Variants in STXBP5L observed in about 807,000 individuals in gnomAD.
STXBP5L encodes syntaxin-binding protein 5-like.
A neutral mutation model predicts 144.5 loss-of-function variants in STXBP5L; 65 were observed. That is an observed-to-expected ratio of 0.45 (90% CI 0.37 to 0.55). The LOEUF (loss-of-function observed/expected upper bound fraction) is 0.55, where lower values mean the gene tolerates loss of function less well. Ranked by LOEUF, STXBP5L falls within the 20% of genes least tolerant of loss-of-function variation. The pLI is 0.00. For synonymous variants in STXBP5L, 505 were observed against 469.6 expected, an observed-to-expected ratio of 1.08 and a Z score of -0.97; for missense variants, 1,298 against 1,405.5, an observed-to-expected ratio of 0.92 and a Z score of 1.22.
intron 6 of STXBP5L, among the ~76,000 whole-genome samples, chr3:121,118,795 C>T (rs2044337214): frequency 6.6e-6 from 1 of 151,348 alleles, no homozygotes; most frequent in South Asian, 2.1e-4. Flanking sequence ...AGATGACTTC[C>T]CAGTGTTTGC....
intron 19 of STXBP5L, among the ~76,000 whole-genome samples, chr3:121,297,202 ATGTG>A (rs71133526): frequency 0.043 from 6,374 of 148,284 alleles, 334 homozygotes; most frequent in Admixed American, 0.17. Context: ...TCTACATTAT[ATGTG>A]TGTGTGTGTG....
intron 5 of STXBP5L, among the ~76,000 whole-genome samples, chr3:121,080,389 T>C (rs923805088): frequency 2.6e-5 from 4 of 152,182 alleles, no homozygotes; most frequent in Admixed American, 1.3e-4. Context: ...TACTTTGTTT[T>C]TTTTTAAATT....
chr3:121,036,530 A>G lies in STXBP5L; in HGVS notation c.288-5170A>G, dbSNP rs1358714550. Among the ~76,000 whole-genome samples, 2 of 152,132 alleles carry G rather than the reference A, an allele frequency of 1.3e-5. 1 individual carries two copies. The highest frequency in any genetic ancestry group is 4.1e-4 in the South Asian group (2 of 4,834). ...AGTATCTAGCATGATAGTAAATAGAAATAATGATAGATGATTCTTGCTTTA... is the reference window on the plus strand; with the variant it reads ...AGTATCTAGCATGATAGTAAATAGAGATAATGATAGATGATTCTTGCTTTA... On this transcript the variant is annotated intron_variant, in intron 3 of 26. Transcript: ENST00000471454.
intron 2 of STXBP5L, among the ~76,000 whole-genome samples, chr3:120,915,569 T>G (rs553486633): frequency 6.6e-6 from 1 of 152,248 alleles, no homozygotes; most frequent in East Asian, 1.9e-4. Context: ...TGCTTTTGTT[T>G]ATAGTGACAG....
intron 5 of STXBP5L, among the ~76,000 whole-genome samples, chr3:121,048,442 C>G (rs774821372): frequency 6.6e-6 from 1 of 152,080 alleles, no homozygotes; most frequent in Non-Finnish European, 1.5e-5. Flanking sequence ...AATATATTTT[C>G]CAAGTTGCTT....
At chr3:120,991,445 T>G (rs1184014957) in intron 3 of STXBP5L, among the ~76,000 whole-genome samples, 1 of 132,242 alleles carries the variant, frequency 7.6e-6, no homozygotes, top group South Asian at 2.5e-4. Context: ...GATCTAGAAC[T>G]AGAAATACCA....
At chr3:121,196,424 C>T (rs2047922719) in intron 9 of STXBP5L, among the ~76,000 whole-genome samples, 1 of 152,054 alleles carries the variant, frequency 6.6e-6, no homozygotes, top group Admixed American at 6.6e-5. Context: ...CAGGCATGAG[C>T]CACCGCACCC....
intron 18 of STXBP5L, among the ~76,000 whole-genome samples, chr3:121,277,866 T>A (rs1453978084): frequency 6.6e-6 from 1 of 152,054 alleles, no homozygotes; most frequent in East Asian, 1.9e-4. Flanking sequence ...GTTTCATTGG[T>A]AGTAGCATAA....
chr3:121,053,130 G>A (rs189366682), intron 5 of STXBP5L, among the ~76,000 whole-genome samples: 1 of 152,238 alleles, frequency 6.6e-6, no homozygotes, highest in Admixed American at 6.5e-5. Context: ...ATGCTCATGG[G>A]TAGGAAGAAT....
chr3:121,138,248 A>T (rs918605471), intron 7 of STXBP5L, among the ~76,000 whole-genome samples: 6 of 152,100 alleles, frequency 3.9e-5, no homozygotes, highest in Non-Finnish European at 5.9e-5. Flanking sequence ...GACATTGATA[A>T]GAGAATTGAA....
At position 121,419,254 on chromosome 3, in the gene STXBP5L, CTG is replaced by C. The variant is rs1468622034; in HGVS notation, c.*160_*161del. ...TCATAAAAGAGATGTATCAGAGACA[CTG>C]TGCAACCCAAAGGCTGGAGCCCTGG... On this transcript the variant is annotated 3_prime_UTR_variant, in exon 27 of 27. Transcript: ENST00000471454. 14 of 698,494 alleles carry C rather than the reference CTG, an allele frequency of 2.0e-5. No individual in the cohort carries two copies. The highest frequency in any genetic ancestry group is 2.9e-5 in the Non-Finnish European group (13 of 453,084). 43.3% of individuals were successfully genotyped at this position (698,494 alleles called of 1,614,324 possible).
At chr3:121,090,532 G>T (rs1458059210) in intron 5 of STXBP5L, among the ~76,000 whole-genome samples, 1 of 152,042 alleles carries the variant, frequency 6.6e-6, no homozygotes, top group African/African-American at 2.4e-5. Context: ...CCATACCTCT[G>T]CCAGAAATCA....
intron 19 of STXBP5L, among the ~76,000 whole-genome samples, chr3:121,304,124 A>G (rs1292355082): frequency 6.6e-6 from 1 of 152,180 alleles, no homozygotes; most frequent in Non-Finnish European, 1.5e-5. Flanking sequence ...TATTAGATGA[A>G]GTAGACTTCA....
intron 22 of STXBP5L, among the ~76,000 whole-genome samples, chr3:121,401,259 C>G (rs1187459767): frequency 6.6e-6 from 1 of 152,074 alleles, no homozygotes; most frequent in Non-Finnish European, 1.5e-5. Context: ...TTCTGTAGGG[C>G]ACCACGATTG....
At chr3:121,115,494 G>A (rs559402034) in intron 6 of STXBP5L, among the ~76,000 whole-genome samples, 18 of 152,182 alleles carry the variant, frequency 1.2e-4, no homozygotes, top group African/African-American at 2.2e-4. Flanking sequence ...TTTAGGTTAC[G>A]TTATACATAG....
chr3:121,412,696 T>C (rs1374490902), intron 23 of STXBP5L, among the ~76,000 whole-genome samples: 1 of 145,196 alleles, frequency 6.9e-6, no homozygotes, highest in East Asian at 2.0e-4. Context: ...AACATTACTA[T>C]TTCTGATGAA....
In STXBP5L at chr3:121,363,223, A is replaced by T. The variant is rs72969914; in HGVS notation, c.2177-15493A>T. 2.5e-3 allele frequency among the ~76,000 whole-genome samples: 387 copies of T among 152,256 alleles called. 2 individuals carry two copies. The highest frequency in any genetic ancestry group is 8.7e-3 in the African/African-American group (363 of 41,560). ...GGGTTATGGGAGAGGTGATACCAGC[A>T]GTCCCTTGGCTGACCCAGCTGGTGT... On this transcript the variant is annotated intron_variant, in intron 20 of 26. Transcript: ENST00000471454.
chr3:121,353,468 A>T (rs1415084361), intron 20 of STXBP5L, among the ~76,000 whole-genome samples: 1 of 152,062 alleles, frequency 6.6e-6, no homozygotes, highest in East Asian at 1.9e-4. Context: ...GTTTATTTGC[A>T]TAGAGGTGTT....
chr3:121,174,922 A>T (rs2046873937), intron 9 of STXBP5L, among the ~76,000 whole-genome samples: 1 of 152,082 alleles, frequency 6.6e-6, no homozygotes, highest in Non-Finnish European at 1.5e-5. Flanking sequence ...AAATTCACTG[A>T]GCTGGGGAAA....
Sources: gnomAD v4.1 joint callset for allele counts (sites outside exome capture counted in the v4.1 genomes callset) on GRCh38, gnomAD v4.1.1 for gene constraint, MANE v1.5 for transcripts, NCBI Gene and HGNC (gene_info 2026-07-23, HGNC 2026-07-21) for gene names.